ETV6: variants seen among roughly 807,000 people sequenced by gnomAD.
ETV6 encodes the protein ETS variant transcription factor 6.
A neutral mutation model predicts 51.1 loss-of-function variants in ETV6; 16 were observed. The observed-to-expected ratio is 0.31, with a 90% CI of 0.21 to 0.48. The LOEUF is 0.48. Among genes scored for constraint, ETV6 ranks in the 20% least tolerant of loss-of-function variants. The pLI, the probability that ETV6 is intolerant of heterozygous loss-of-function variation, is 0.99. For missense variants in ETV6, 458 were observed against 594.8 expected (o/e 0.77, Z 2.39); for synonymous variants, 240 against 224.1 (o/e 1.07, Z -0.64).
chr12:11,730,397 GCTGCTGCT>G (rs1865571085), intron 1 of ETV6, among the ~76,000 whole-genome samples: 1 of 152,358 alleles, frequency 6.6e-6, no homozygotes, highest in African/African-American at 2.4e-5. Context: ...GTCCAATGAG[GCTGCTGCT>G]CTGGGGTTGC....
intron 1 of ETV6, among the ~76,000 whole-genome samples, chr12:11,666,994 C>T (rs1479827614): frequency 6.6e-5 from 10 of 152,170 alleles, no homozygotes; most frequent in East Asian, 1.9e-4. Flanking sequence ...AGAGTTGTTA[C>T]GGGTGCTGAT....
At chr12:11,698,999 C>G (rs923052409) in intron 1 of ETV6, among the ~76,000 whole-genome samples, 1 of 152,148 alleles carries the variant, frequency 6.6e-6, no homozygotes, top group Admixed American at 6.5e-5. Context: ...TTCCAGAACC[C>G]ACTATCATCG....
chr12:11,759,125 G>C (rs1333242803), intron 2 of ETV6, among the ~76,000 whole-genome samples: 1 of 151,698 alleles, frequency 6.6e-6, no homozygotes, highest in Non-Finnish European at 1.5e-5. Context: ...TCCTGATAAG[G>C]AAGCAGCTTC....
rs11054449 is a variant in ETV6, at chr12:11,771,080, A to G, written c.163+18501A>G. 3.9e-3 allele frequency among the ~76,000 whole-genome samples: 591 copies of G among 152,332 alleles called. 2 individuals carry two copies. The highest frequency in any genetic ancestry group is 0.014 in the African/African-American group (572 of 41,574). ...TTGACCTGCCATATATAGGAACTCC[A>G]GTGTCTGAAAACATAGCAGGACTTT... On this transcript the variant is annotated intron_variant, in intron 2 of 7. Coordinates refer to ENST00000396373, the MANE Select transcript of ETV6 (RefSeq NM_001987.5).
At chr12:11,680,539 A>C (rs1317272387) in intron 1 of ETV6, among the ~76,000 whole-genome samples, 1 of 152,206 alleles carries the variant, frequency 6.6e-6, no homozygotes, top group Non-Finnish European at 1.5e-5. Flanking sequence ...ACTCAGCCCT[A>C]ATACACTGAT....
chr12:11,781,074 A>G (rs1429585194), intron 2 of ETV6, among the ~76,000 whole-genome samples: 2 of 152,360 alleles, frequency 1.3e-5, no homozygotes, highest in East Asian at 3.9e-4. Context: ...GCCTCATGAT[A>G]CAACAGTAAA....
At chr12:11,689,725 G>A (rs571092262) in intron 1 of ETV6, among the ~76,000 whole-genome samples, 3 of 150,592 alleles carry the variant, frequency 2.0e-5, no homozygotes, top group East Asian at 2.0e-4. Flanking sequence ...GACATTGGAT[G>A]TATTTCCGCA....
intron 1 of ETV6, among the ~76,000 whole-genome samples, chr12:11,678,602 A>T (rs1020231531): frequency 2.0e-5 from 3 of 152,190 alleles, no homozygotes; most frequent in African/African-American, 4.8e-5. Flanking sequence ...AATATGAGTT[A>T]TGAGGGTTCT....
rs73290521 is a variant in ETV6, at chr12:11,764,827, T to C, written c.163+12248T>C. ...GCTTATGGTAGGCGCTTTTCACATG[T>C]ATTGTATCATTTAACCCTCTAGGCA... On this transcript the variant is annotated intron_variant, in intron 2 of 7. Transcript: ENST00000396373. 8.7e-3 allele frequency among the ~76,000 whole-genome samples: 1,319 copies of C among 152,288 alleles called. 13 individuals are homozygous for C. The highest frequency in any genetic ancestry group is 0.03 in the African/African-American group (1,250 of 41,528).
chr12:11,779,540 C>G (rs533022643), intron 2 of ETV6, among the ~76,000 whole-genome samples: 1 of 152,332 alleles, frequency 6.6e-6, no homozygotes, highest in South Asian at 2.1e-4. Flanking sequence ...GGAATCAAGA[C>G]AGAAATATTT....
chr12:11,859,107 T>C (rs1946673373), intron 4 of ETV6, among the ~76,000 whole-genome samples: 1 of 135,592 alleles, frequency 7.4e-6, no homozygotes, highest in African/African-American at 2.7e-5. Context: ...GAAGATGAGG[T>C]ATATGAATCT....
intron 1 of ETV6, among the ~76,000 whole-genome samples, chr12:11,658,895 G>A (rs1161979074): frequency 7.9e-5 from 12 of 152,248 alleles, no homozygotes; most frequent in Admixed American, 7.8e-4. Context: ...ACTGTACAGT[G>A]AGTCTAACTA....
intron 2 of ETV6, among the ~76,000 whole-genome samples, chr12:11,833,739 T>G (rs1946276216): frequency 6.6e-6 from 1 of 152,160 alleles, no homozygotes; most frequent in African/African-American, 2.4e-5. Flanking sequence ...TTAGAATGAC[T>G]CCTGGCACAT....
At chr12:11,801,360 T>C (rs777636754) in intron 2 of ETV6, among the ~76,000 whole-genome samples, 13 of 152,244 alleles carry the variant, frequency 8.5e-5, no homozygotes, top group Non-Finnish European at 1.6e-4. Context: ...ACGTGTTTCC[T>C]ATGGCTGGAA....
At chr12:11,692,356 A>T (rs963640737) in intron 1 of ETV6, among the ~76,000 whole-genome samples, 4 of 152,094 alleles carry the variant, frequency 2.6e-5, no homozygotes, top group African/African-American at 7.3e-5. Context: ...TAGCCTCCAT[A>T]ACTGTAAGAA....
intron 7 of ETV6, among the ~76,000 whole-genome samples, chr12:11,887,577 A>ATCTCTACTAAAAGT (rs1947214700): frequency 1.3e-5 from 2 of 151,902 alleles, no homozygotes; most frequent in African/African-American, 4.8e-5. Context: ...GTGAAACCCC[A>ATCTCTACTAAAAGT]TCTCTACTAA....
At chr12:11,767,959 A>G (rs908596785) in intron 2 of ETV6, among the ~76,000 whole-genome samples, 1 of 152,194 alleles carries the variant, frequency 6.6e-6, no homozygotes, top group Non-Finnish European at 1.5e-5. Flanking sequence ...AGTTTGCTCA[A>G]GAGAAGGTTC....
At chr12:11,738,799 T>C (rs1461494849) in intron 1 of ETV6, among the ~76,000 whole-genome samples, 8 of 152,318 alleles carry the variant, frequency 5.3e-5, no homozygotes, top group African/African-American at 1.7e-4. Context: ...AATGATTCTT[T>C]GGAGAAGTTT....
At chr12:11,656,587 C>G (rs947958288) in intron 1 of ETV6, among the ~76,000 whole-genome samples, 2 of 152,194 alleles carry the variant, frequency 1.3e-5, no homozygotes, top group African/African-American at 4.8e-5. Flanking sequence ...CCATATTTAC[C>G]CCAGTCTCTA....
Sources: allele counts gnomAD v4.1 joint callset (sites outside exome capture counted in the v4.1 genomes callset), GRCh38; gene constraint gnomAD v4.1.1; transcripts MANE v1.5; gene names NCBI Gene and HGNC (gene_info 2026-07-23, HGNC 2026-07-21).